PCDHGA8: variants seen among roughly 807,000 people sequenced by gnomAD.
PCDHGA8 encodes the protein protocadherin gamma subfamily A, 8.
PCDHGA8 carries 45 observed loss-of-function variants against 59.2 expected under a neutral mutation model. The observed-to-expected ratio is 0.76, with a 90% CI of 0.60 to 0.98. PCDHGA8 has a LOEUF of 0.98. PCDHGA8 is among the 50% of genes least tolerant of loss of function. PCDHGA8 has a pLI of 0.00. For synonymous variants in PCDHGA8, 531 were observed against 519.0 expected (o/e 1.02, Z -0.32); for missense variants, 1,257 against 1,196.2 (o/e 1.05, Z -0.75).
chr5:141,448,784 C>CA (rs576464275), intron 1 of PCDHGA8, among the ~76,000 whole-genome samples: 7,532 of 145,718 alleles, frequency 0.052, 302 homozygotes, highest in African/African-American at 0.11. Flanking sequence ...ACTAAAAATA[C>CA]AAAAAAAAAA....
chr5:141,423,671 T>C (rs773279181), intron 1 of PCDHGA8: 7 of 1,550,720 alleles, frequency 4.5e-6, no homozygotes, highest in Non-Finnish European at 5.2e-6. Context: ...GTGAGATTTA[T>C]TTCTCTGCCT....
chr5:141,428,037 C>G lies in PCDHGA8; in HGVS notation c.2424+32800C>G, dbSNP rs762273592. 3.7e-6 allele frequency: 6 copies of G among 1,608,340 alleles called. No homozygotes were observed. In the African/African-American group the frequency reaches 8.0e-5, roughly 21 times the overall value. ...GCCACGCGCCGCAGAGTCCGGCTACCTGGTGACCAAGGTGGTGGCGGTGGA... is the reference window on the plus strand; with the variant it reads ...GCCACGCGCCGCAGAGTCCGGCTACGTGGTGACCAAGGTGGTGGCGGTGGA... On this transcript the variant is annotated intron_variant, in intron 1 of 3. Coordinates refer to ENST00000398604, the MANE Select transcript of PCDHGA8 (RefSeq NM_032088.2).
intron 1 of PCDHGA8, chr5:141,417,768 C>T: frequency 6.9e-7 from 1 of 1,451,358 alleles, no homozygotes; most frequent in Non-Finnish European, 9.1e-7. Context: ...ACCCGGGACT[C>T]CTCCTGTCCT....
chr5:141,510,222 G>A (rs891688596), intron 3 of PCDHGA8, among the ~76,000 whole-genome samples: 3 of 151,498 alleles, frequency 2.0e-5, no homozygotes, highest in Admixed American at 6.6e-5. Context: ...GCAGTGAGCC[G>A]GGATCGCGCC....
intron 1 of PCDHGA8, among the ~76,000 whole-genome samples, chr5:141,461,711 C>A (rs897443905): frequency 1.3e-5 from 2 of 152,112 alleles, no homozygotes; most frequent in African/African-American, 2.4e-5. Flanking sequence ...ACTTTTTTTG[C>A]CCAGGCTGGA....
chr5:141,420,293 A>T (rs1478341095), intron 1 of PCDHGA8: 1 of 1,485,484 alleles, frequency 6.7e-7, no homozygotes, highest in Admixed American at 2.2e-5. Context: ...TTAAAAATGT[A>T]TTTAATCCTT....
chr5:141,438,152 G>A (rs184819165), intron 1 of PCDHGA8, among the ~76,000 whole-genome samples: 1 of 152,250 alleles, frequency 6.6e-6, no homozygotes, highest in African/African-American at 2.4e-5. Flanking sequence ...CCAGCCTATG[G>A]CAAAGCTAAT....
chr5:141,425,695 T>C (rs1329762653), intron 1 of PCDHGA8, among the ~76,000 whole-genome samples: 1 of 152,232 alleles, frequency 6.6e-6, no homozygotes, highest in Non-Finnish European at 1.5e-5. Context: ...TATCATTTCA[T>C]AGTGGTCAAA....
intron 1 of PCDHGA8, chr5:141,400,135 G>A (rs773410293): frequency 6.2e-7 from 1 of 1,614,074 alleles, no homozygotes; most frequent in Non-Finnish European, 8.5e-7. Flanking sequence ...GGTGCTGCCG[G>A]ATATCACTGA....
Position 141,490,536 on chromosome 5 carries a change from T to C in PCDHGA8, c.2425-4271T>C. ...TGCTGGCCAGCGATGCTGGTTCACCTTCCCTACACAAACATCTCACCATCA... is the reference window on the plus strand; with the variant it reads ...TGCTGGCCAGCGATGCTGGTTCACCCTCCCTACACAAACATCTCACCATCA... On this transcript the variant is annotated intron_variant, in intron 1 of 3. Transcript: ENST00000398604. The surrounding 1 kb of genome is among the most constrained non-coding windows in gnomAD (Gnocchi z 5.4). The C allele has an allele frequency of 1.9e-6, 3 of 1,614,150 alleles. No individual in the cohort carries two copies. The highest frequency in any genetic ancestry group is 2.5e-6 in the Non-Finnish European group (3 of 1,180,010).
intron 1 of PCDHGA8, among the ~76,000 whole-genome samples, chr5:141,402,212 A>T (rs1282581389): frequency 6.6e-6 from 1 of 152,138 alleles, no homozygotes; most frequent in Non-Finnish European, 1.5e-5. Context: ...ACAAAAATTT[A>T]AAATAAACGT....
intron 1 of PCDHGA8, chr5:141,417,728 T>A: frequency 7.3e-7 from 1 of 1,373,610 alleles, no homozygotes; most frequent in Non-Finnish European, 9.6e-7. Flanking sequence ...GCGCAGACCT[T>A]GCCCAGCACA....
At position 141,477,146 on chromosome 5, in the gene PCDHGA8, G is replaced by A. The variant is rs1447966302; in HGVS notation, c.2425-17661G>A. The stretch of plus-strand genomic sequence containing the variant: ...TTGCAAAGTGTTGGTGGAGGTTGTG[G>A]ATGTGAATGACAACGCCCCGGAGAT... On this transcript the variant is annotated intron_variant, in intron 1 of 3. Coordinates refer to ENST00000398604, the MANE Select transcript of PCDHGA8 (RefSeq NM_032088.2). This position sits in a 1 kb window ranked among gnomAD's most constrained non-coding sequence, Gnocchi z 4.9. 1 of 1,614,182 alleles carries A rather than the reference G, an allele frequency of 6.2e-7. No homozygotes were observed. The highest frequency in any genetic ancestry group is 8.5e-7 in the Non-Finnish European group (1 of 1,180,044).
At chr5:141,492,637 C>T (rs2099742781) in intron 1 of PCDHGA8, among the ~76,000 whole-genome samples, 1 of 152,260 alleles carries the variant, frequency 6.6e-6, no homozygotes, top group South Asian at 2.1e-4. Context: ...CTCTACGATC[C>T]TTGGGCCAGA....
chr5:141,423,868 T>G (rs2154550529), intron 1 of PCDHGA8: 1 of 1,283,788 alleles, frequency 7.8e-7, no homozygotes, highest in East Asian at 3.1e-5. Flanking sequence ...GTGAAAGTCA[T>G]TTTTCAATCT....
chr5:141,481,868 C>A (rs983373194), intron 1 of PCDHGA8, among the ~76,000 whole-genome samples: 4 of 147,412 alleles, frequency 2.7e-5, no homozygotes, highest in African/African-American at 1.0e-4. Flanking sequence ...GAGCCGAGAT[C>A]GCGCCACTGC....
intron 1 of PCDHGA8, among the ~76,000 whole-genome samples, chr5:141,481,309 T>C (rs577046585): frequency 2.6e-4 from 39 of 152,310 alleles, no homozygotes; most frequent in African/African-American, 9.1e-4. Context: ...GGAAAAACCT[T>C]CCTAAAGCAC....
intron 1 of PCDHGA8, chr5:141,399,616 C>G (rs777443975): frequency 6.2e-7 from 1 of 1,613,962 alleles, no homozygotes. Flanking sequence ...GCCTCTGGCA[C>G]TGGCCTCTTA....
In PCDHGA8 at chr5:141,431,221, A is replaced by T; in HGVS notation, c.2424+35984A>T. 6.2e-7 allele frequency: 1 copy of T among 1,614,124 alleles called. No homozygotes were observed. The highest frequency in any genetic ancestry group is 8.5e-7 in the Non-Finnish European group (1 of 1,180,026). On this transcript the variant is annotated intron_variant, in intron 1 of 3. Transcript: ENST00000398604. The surrounding 1 kb of genome is among the most constrained non-coding windows in gnomAD (Gnocchi z 4.8). Reference sequence around the variant, plus strand: ...CAGCCACTGAGATGCGGTTCCCTCTACCCCACGCCTGGGATCCGGATATCG... The same window carrying T: ...CAGCCACTGAGATGCGGTTCCCTCTTCCCCACGCCTGGGATCCGGATATCG...
Sources: allele counts gnomAD v4.1 joint callset (sites outside exome capture counted in the v4.1 genomes callset), GRCh38; gene constraint gnomAD v4.1.1; non-coding constraint Gnocchi (gnomAD v3.1); transcripts MANE v1.5; gene names NCBI Gene and HGNC (gene_info 2026-07-23, HGNC 2026-07-21).